Variants in EFS observed in about 807,000 individuals in gnomAD.
EFS encodes embryonal Fyn-associated substrate.
In EFS, 34 loss-of-function variants were observed where a neutral mutation model predicts 42.2. That is an observed-to-expected ratio of 0.81 (90% confidence interval 0.61 to 1.07). The LOEUF is 1.07. EFS is among the 50% of genes least tolerant of loss of function. EFS has a pLI of 0.00. For missense variants in EFS, 717 were observed against 729.4 expected (o/e 0.98, Z 0.20); for synonymous variants, 299 against 320.7 (o/e 0.93, Z 0.72).
intron 1 of EFS, among the ~76,000 whole-genome samples, chr14:23,361,910 C>T (rs746262939): frequency 3.3e-5 from 5 of 152,236 alleles, no homozygotes; most frequent in African/African-American, 7.2e-5. Context: ...GATGCCATAT[C>T]GCTGGCACAG....
rs1354721975 is a variant in EFS at position 23,359,356 on chromosome 14, G to A, written c.1122C>T (p.Gly374=). 3 of 1,613,034 alleles carry A rather than the reference G, an allele frequency of 1.9e-6. No individual in the cohort carries two copies. The highest frequency in any genetic ancestry group is 1.7e-6 in the Non-Finnish European group (2 of 1,179,974). The change falls in exon 4 of 6, where the codon GGC becomes GGT. Residue 374 remains glycine (G), a synonymous_variant. Coordinates refer to ENST00000216733, the MANE Select transcript of EFS (RefSeq NM_005864.4). ...AGTCATACTCCTCGGCCATCGGAAT[G>A]CCCTCGTACTCATTGTGGTGTCCTG... ...DPAGHHNEYE[G]IPMAEEYDYV...
chr14:23,364,930 G>T, intron 1 of EFS, 78 bp downstream of exon 1: 2 of 1,192,550 alleles, frequency 1.7e-6, no homozygotes, highest in Non-Finnish European at 1.1e-6. Flanking sequence ...CAAAGAGAGG[G>T]CAGAAATAAA....
chr14:23,357,770 T>G, intron 5 of EFS, 110 bp from the exon 6 acceptor site: 1 of 912,686 alleles, frequency 1.1e-6, no homozygotes, highest in East Asian at 2.9e-5. Context: ...TTTTAGCTCT[T>G]ACCTCTGCCC....
intron 1 of EFS, among the ~76,000 whole-genome samples, chr14:23,364,446 C>A (rs1890253561): frequency 6.6e-6 from 1 of 152,164 alleles, no homozygotes; most frequent in Non-Finnish European, 1.5e-5. Flanking sequence ...TCCCTTTGTC[C>A]CGATCCCTGG....
At position 23,360,620 on chromosome 14, in the gene EFS, G is replaced by C. The variant is rs1309420010; in HGVS notation, c.232C>G (p.Pro78Ala). Reference sequence around the variant, plus strand: ...GAGCCAGGCTGGGCTGGGGACGCAGGAGAGAGGCTGGGCTTGGGTGCTGGG... The same window carrying C: ...GAGCCAGGCTGGGCTGGGGACGCAGCAGAGAGGCTGGGCTTGGGTGCTGGG... ...AGPAPKPSLS[P>A]ASPAQPGSPY... The change falls in exon 2 of 6, where the codon CCT becomes GCT. Residue 78 changes from proline (P) to alanine (A), a missense_variant. Transcript: ENST00000216733. 3.7e-6 allele frequency: 6 copies of C among 1,601,594 alleles called. No individual in the cohort carries two copies. The African/African-American group carries it at 8.0e-5, about 21-fold the overall frequency.
At chr14:23,361,749 T>C (rs1404231875) in intron 1 of EFS, among the ~76,000 whole-genome samples, 4 of 152,224 alleles carry the variant, frequency 2.6e-5, no homozygotes, top group Non-Finnish European at 5.9e-5. Flanking sequence ...AACTCACAGG[T>C]ACCAAGTGCA....
chr14:23,359,740 C>G lies in EFS; in HGVS notation c.738G>C (p.Gly246=), dbSNP rs1260752178. 1.3e-6 allele frequency: 2 copies of G among 1,515,926 alleles called. No individual in the cohort carries two copies. The highest frequency in any genetic ancestry group is 2.8e-5 in the African/African-American group (2 of 71,436). 93.9% of individuals were successfully genotyped at this position (1,515,926 alleles called of 1,614,324 possible). A position where few individuals can be genotyped will look rare whatever the true frequency, so the allele number is the denominator to read the frequency against. The change falls in exon 4 of 6, where the codon GGG becomes GGC. Residue 246 remains glycine, a synonymous_variant. Transcript: ENST00000216733. ...PEELLADGEG[G]GTDEGIYDVP... ...CATCGTAGATCCCCTCATCAGTGCC[C>G]CCGCCCTCCCCGTCTGCCAGCAGTT...
Position 23,357,179 on chromosome 14 carries a change from G to C in EFS, c.*47C>G, listed in dbSNP as rs2231814. ...CCTTCCAGCCACCCAAGGCCTAAAGGGGGGCTTTGGCAGGCAGGGGAGGAG... is the reference window on the plus strand; with the variant it reads ...CCTTCCAGCCACCCAAGGCCTAAAGCGGGGCTTTGGCAGGCAGGGGAGGAG... On this transcript the variant is annotated 3_prime_UTR_variant, in exon 6 of 6. Transcript: ENST00000216733. 6 of 1,473,616 alleles carry C rather than the reference G, an allele frequency of 4.1e-6. No individual in the cohort carries two copies. Among genetic ancestry groups the C allele is most frequent in the Non-Finnish European group, 5.4e-6 (6 of 1,103,630 alleles). 91.3% of individuals were successfully genotyped at this position (1,473,616 alleles called of 1,614,324 possible).
chr14:23,361,567 GCAT>G (rs1280693940), intron 1 of EFS, among the ~76,000 whole-genome samples: 1 of 152,174 alleles, frequency 6.6e-6, no homozygotes, highest in African/African-American at 2.4e-5. Flanking sequence ...CTTCCAGCAG[GCAT>G]CATCATTTAG....
At chr14:23,363,375 A>G (rs571799218) in intron 1 of EFS, among the ~76,000 whole-genome samples, 2 of 152,232 alleles carry the variant, frequency 1.3e-5, no homozygotes, top group Non-Finnish European at 2.9e-5. Flanking sequence ...TAACGCATAA[A>G]GAAACTATGA....
In EFS at chr14:23,357,229, T is replaced by A. The variant is rs143610684; in HGVS notation, c.1683A>T (p.Pro561=). Residue 561 remains proline, a synonymous_variant, in exon 6 of 6, where the codon CCA becomes CCT. Coordinates refer to ENST00000216733, the MANE Select transcript of EFS (RefSeq NM_005864.4). The stretch of plus-strand genomic sequence containing the variant: ...GCAGAGCTGTGCCAAAGGACCTTCA[T>A]GGAGCCAGGCTAGTGAGCAGGGTAG... ...QFTTLLTSLA[P] 6.9e-5 allele frequency: 106 copies of A among 1,539,088 alleles called. No individual in the cohort carries two copies. The highest frequency in any genetic ancestry group is 8.6e-5 in the Non-Finnish European group (98 of 1,135,070).
Position 23,357,381 on chromosome 14 carries a change from G to C in EFS, c.1531C>G (p.Leu511Val), listed in dbSNP as rs1889954246. 2.5e-6 allele frequency: 4 copies of C among 1,610,278 alleles called. No individual in the cohort carries two copies. The highest frequency in any genetic ancestry group is 3.4e-6 in the Non-Finnish European group (4 of 1,177,352). ...RAQVRAAGTA[L>V]GQALRATVLA... Reference sequence around the variant, plus strand: ...ACAGTGGCCCGCAATGCCTGGCCCAGTGCTGTACCTGCAGCCCTGACCTGT... The same window carrying C: ...ACAGTGGCCCGCAATGCCTGGCCCACTGCTGTACCTGCAGCCCTGACCTGT... Residue 511 changes from leucine (L) to valine (V), a missense_variant, in exon 6 of 6, where the codon CTG (leucine) becomes GTG (valine). Leu to Val is a conservative substitution (Grantham distance 32). Transcript: ENST00000216733.
At chr14:23,358,559 A>T (rs574077657) in intron 5 of EFS, among the ~76,000 whole-genome samples, 1 of 152,290 alleles carries the variant, frequency 6.6e-6, no homozygotes, top group Non-Finnish European at 1.5e-5. Context: ...AGGAATTCAC[A>T]GTTGGAAGGA....
chr14:23,357,601 G>A lies in EFS; in HGVS notation c.1311C>T (p.Tyr437=), dbSNP rs1338896154. The change falls in exon 6 of 6, where the codon TAC becomes TAT. Residue 437 remains tyrosine (Y), a synonymous_variant. Transcript: ENST00000216733. ...GGCTCTGGCATTGCCCAGCATAGAAGTACAGGAGCTGCAGATCTCCGGTGG... is the reference window on the plus strand; with the variant it reads ...GGCTCTGGCATTGCCCAGCATAGAAATACAGGAGCTGCAGATCTCCGGTGG... The part of the protein sequence containing the change: ...VVSTGDLQLL[Y]FYAGQCQSHY... The A allele has an allele frequency of 3.2e-6, 5 of 1,585,170 alleles. No homozygotes were observed. Among genetic ancestry groups the A allele is most frequent in the African/African-American group, 1.3e-5 (1 of 74,494 alleles).
In EFS at chr14:23,360,251, A is replaced by G. The variant is rs755724188; in HGVS notation, c.328T>C (p.Cys110Arg). ...CCAGCTGGAGGTCCTGAGGTTGGAC[A>G]GGGCCGAGCTGGGGGCGGCACCACA... ...VYVVPPPARP[C>R]PTSGPPAGPC... is the part of the protein sequence containing the mutation. The change falls in exon 3 of 6, where the codon TGT becomes CGT. Residue 110 changes from cysteine to arginine, a missense_variant. Cys to Arg is a radical substitution (Grantham distance 180). Coordinates refer to ENST00000216733, the MANE Select transcript of EFS (RefSeq NM_005864.4). 54 of 1,613,692 alleles carry G rather than the reference A, an allele frequency of 3.3e-5. No homozygotes were observed. In the South Asian group the frequency reaches 3.6e-4, roughly 11 times the overall value.
chr14:23,362,903 C>CTTTTTTTT (rs1890198971), intron 1 of EFS, among the ~76,000 whole-genome samples: 1 of 149,084 alleles, frequency 6.7e-6, no homozygotes, highest in Non-Finnish European at 1.5e-5. Context: ...CTGTCCCTTT[C>CTTTTTTTT]TTTTTCTTTC....
At position 23,359,954 on chromosome 14, in the gene EFS, CG is replaced by C. The variant is rs1566491264; in HGVS notation, c.523del (p.Arg175GlyfsTer18). On this transcript the variant is annotated frameshift_variant, in exon 4 of 6. Coordinates refer to ENST00000216733, the MANE Select transcript of EFS (RefSeq NM_005864.4). LOFTEE classifies it high-confidence loss of function. The stretch of plus-strand genomic sequence containing the variant: ...CTCTCCAGGGGGCTGCGGGGCAACC[CG>C]GGTCAGAGGGTGGGAAAAGGAGGCA... ...CPASFSHPLT[R>X]VAPQPPGEDD... The C allele has an allele frequency of 6.4e-7, 1 of 1,569,486 alleles. No individual in the cohort carries two copies. Among genetic ancestry groups the C allele is most frequent in the African/African-American group, 1.4e-5 (1 of 73,574 alleles).
In EFS at chr14:23,357,453, C is replaced by G; in HGVS notation, c.1459G>C (p.Val487Leu). ...GCCAGCCGGCCCAGGGTGTCCCCAA[C>G]AAACACCAGGCGATGAGCAGCCACC... ...VVVAAHRLVFVGDTLGRLAAS... is the reference protein window; with the variant it reads ...VVVAAHRLVFLGDTLGRLAAS... Residue 487 changes from valine to leucine, a missense_variant, in exon 6 of 6, where the codon GTT (valine) becomes CTT (leucine). Transcript: ENST00000216733. The G allele has an allele frequency of 6.8e-6, 11 of 1,613,920 alleles. No individual in the cohort carries two copies. Among genetic ancestry groups the G allele is most frequent in the Non-Finnish European group, 9.3e-6 (11 of 1,179,976 alleles).
chr14:23,362,003 T>A (rs180881002), intron 1 of EFS, among the ~76,000 whole-genome samples: 1 of 152,294 alleles, frequency 6.6e-6, no homozygotes, highest in East Asian at 1.9e-4. Flanking sequence ...TTCTCCACAA[T>A]TACAAATGTA....
Sources: gnomAD v4.1 joint callset for allele counts (sites outside exome capture counted in the v4.1 genomes callset) on GRCh38, gnomAD v4.1.1 for gene constraint, MANE v1.5 for transcripts, NCBI Gene and HGNC (gene_info 2026-07-23, HGNC 2026-07-21) for gene names.